COLEC12: variants seen among roughly 807,000 people sequenced by gnomAD.
COLEC12 encodes the protein collectin subfamily member 12, also known as collectin-12.
In COLEC12, 33 loss-of-function variants were observed where a neutral mutation model predicts 71.1. The observed-to-expected ratio is 0.46, with a 90% CI of 0.35 to 0.62. The LOEUF is 0.62. COLEC12 is among the 20% of genes least tolerant of loss of function. The probability of loss-of-function intolerance (pLI) is 0.00; values close to 1 mark genes in which losing one functional copy is unlikely to be tolerated. For synonymous variants in COLEC12, 350 were observed against 353.0 expected (o/e 0.99, Z 0.10); for missense variants, 765 against 916.1 (o/e 0.84, Z 2.13).
At chr18:345,558 A>C (rs1305374685) in intron 5 of COLEC12, among the ~76,000 whole-genome samples, 1 of 152,098 alleles carries the variant, frequency 6.6e-6, no homozygotes, top group Non-Finnish European at 1.5e-5. Context: ...TTCCTCTGTG[A>C]CCTTACTGTG....
chr18:436,155 T>G (rs756789005), intron 2 of COLEC12, among the ~76,000 whole-genome samples: 3 of 152,216 alleles, frequency 2.0e-5, no homozygotes, highest in Non-Finnish European at 2.9e-5. Context: ...TCTGCTCACA[T>G]AGGCCCCACT....
At chr18:427,075 C>T (rs1302576949) in intron 2 of COLEC12, among the ~76,000 whole-genome samples, 1 of 152,212 alleles carries the variant, frequency 6.6e-6, no homozygotes, top group Non-Finnish European at 1.5e-5. Context: ...GACTAACATT[C>T]CACTGATAGG....
chr18:320,216 C>A (rs1281576052), intron 9 of COLEC12, 152 bp from the exon 10 acceptor site: 1 of 535,590 alleles, frequency 1.9e-6, no homozygotes, highest in African/African-American at 2.0e-5. Context: ...TCTAGAAGAT[C>A]TTATTTGGAT....
chr18:442,052 C>G (rs1044596334), intron 2 of COLEC12, among the ~76,000 whole-genome samples: 1 of 144,572 alleles, frequency 6.9e-6, no homozygotes, highest in Non-Finnish European at 1.5e-5. Flanking sequence ...CACACACACA[C>G]AGCTTCTGAT....
At chr18:464,908 C>G (rs925522759) in intron 2 of COLEC12, among the ~76,000 whole-genome samples, 4 of 152,210 alleles carry the variant, frequency 2.6e-5, no homozygotes, top group Non-Finnish European at 5.9e-5. Flanking sequence ...GTGCTCAGCA[C>G]CAAGGCTGGG....
chr18:366,568 A>T (rs1332933851), intron 2 of COLEC12, among the ~76,000 whole-genome samples: 1 of 152,146 alleles, frequency 6.6e-6, no homozygotes, highest in Non-Finnish European at 1.5e-5. Flanking sequence ...TTGTACAGGC[A>T]TGAGGGTTTT....
At chr18:434,495 T>C (rs1271908039) in intron 2 of COLEC12, among the ~76,000 whole-genome samples, 2 of 152,206 alleles carry the variant, frequency 1.3e-5, no homozygotes, top group Admixed American at 6.5e-5. Flanking sequence ...CATGTTTCCA[T>C]TACTATATTG....
intron 2 of COLEC12, among the ~76,000 whole-genome samples, chr18:472,702 A>G (rs1031446113): frequency 2.2e-5 from 3 of 133,934 alleles, no homozygotes; most frequent in African/African-American, 8.2e-5. Flanking sequence ...AAAAAAAAAA[A>G]AGAAGAAGAA....
At chr18:328,706 T>C (rs1598326491) in intron 8 of COLEC12, among the ~76,000 whole-genome samples, 1 of 152,136 alleles carries the variant, frequency 6.6e-6, no homozygotes, top group South Asian at 2.1e-4. Context: ...AATGGGGACA[T>C]GGAGGTTTTG....
chr18:350,718 AG>A (rs1185273017), intron 3 of COLEC12, among the ~76,000 whole-genome samples: 48 of 152,116 alleles, frequency 3.2e-4, no homozygotes, highest in South Asian at 2.1e-4. Context: ...ATTTGAGCTC[AG>A]GAGTTCAAGA....
intron 2 of COLEC12, among the ~76,000 whole-genome samples, chr18:428,102 TA>T (rs1916232215): frequency 6.6e-6 from 1 of 151,832 alleles, no homozygotes; most frequent in South Asian, 2.1e-4. Context: ...CCATCTCTAC[TA>T]AAAATATAAA....
chr18:324,490 A>ACACAT (rs1415030614), intron 8 of COLEC12, among the ~76,000 whole-genome samples: 1 of 151,998 alleles, frequency 6.6e-6, no homozygotes, highest in Non-Finnish European at 1.5e-5. Flanking sequence ...CTGGAAACAC[A>ACACAT]CACACACACA....
chr18:433,303 C>T lies in COLEC12; in HGVS notation c.58+47404G>A, dbSNP rs542421050. Among the ~76,000 whole-genome samples the T allele has an allele frequency of 7.9e-5, 12 of 152,282 alleles. No homozygotes were observed. In the South Asian group the frequency reaches 1.5e-3, roughly 18 times the overall value. On this transcript the variant is annotated intron_variant, in intron 2 of 9. Transcript: ENST00000400256. ...TGAGCACTTGCTATCAATTTTGCTC[C>T]ACCCTAGGGGAAAGTACCTCCATCC...
intron 3 of COLEC12, among the ~76,000 whole-genome samples, chr18:355,079 C>G (rs1914604186): frequency 6.6e-6 from 1 of 152,086 alleles, no homozygotes; most frequent in African/African-American, 2.4e-5. Context: ...ATCCATCCAT[C>G]CATCCATCCA....
chr18:391,017 TCTTTTTTTCTATTA>T (rs1915452581), intron 2 of COLEC12, among the ~76,000 whole-genome samples: 3 of 152,204 alleles, frequency 2.0e-5, no homozygotes, highest in South Asian at 4.1e-4. Flanking sequence ...ACTGGTCCGC[TCTTTTTTTCTATTA>T]CTTTTTTTAC....
chr18:367,710 A>T (rs1333162207), intron 2 of COLEC12, among the ~76,000 whole-genome samples: 1 of 152,210 alleles, frequency 6.6e-6, no homozygotes, highest in Non-Finnish European at 1.5e-5. Context: ...ATTTTAATAG[A>T]GTATTGGCCC....
chr18:323,089 G>T (rs748497994), intron 8 of COLEC12, among the ~76,000 whole-genome samples: 10 of 152,302 alleles, frequency 6.6e-5, no homozygotes, highest in South Asian at 6.2e-4. Context: ...GCTGGGCATG[G>T]TGGCAGGCAC....
chr18:376,198 G>A (rs1915109826), intron 2 of COLEC12, among the ~76,000 whole-genome samples: 1 of 152,172 alleles, frequency 6.6e-6, no homozygotes, highest in Non-Finnish European at 1.5e-5. Context: ...CCCAGGGGGT[G>A]GGAAGTGGGG....
chr18:485,411 G>A (rs376251566), intron 1 of COLEC12, among the ~76,000 whole-genome samples: 14 of 152,264 alleles, frequency 9.2e-5, no homozygotes, highest in South Asian at 6.2e-4. Context: ...ATCTGTCTGC[G>A]GGGAAGAAGC....
Sources: allele counts gnomAD v4.1 joint callset (sites outside exome capture counted in the v4.1 genomes callset), GRCh38; gene constraint gnomAD v4.1.1; transcripts MANE v1.5; gene names NCBI Gene and HGNC (gene_info 2026-07-23, HGNC 2026-07-21).